The following NAV1 variants were observed in gnomAD, a reference collection of about 807,000 sequenced individuals.
NAV1 encodes the protein neuron navigator 1, also known as pore membrane and/or filament interacting like protein 3.
A neutral mutation model predicts 175.2 loss-of-function variants in NAV1; 18 were observed. The ratio of observed to expected loss-of-function variants is 0.10; its 90% CI spans 0.07 to 0.15. The LOEUF (loss-of-function observed/expected upper bound fraction) is 0.15, where lower values mean the gene tolerates loss of function less well. Among genes scored for constraint, NAV1 ranks in the 10% least tolerant of loss-of-function variants. The probability of loss-of-function intolerance (pLI) is 1.00; values close to 1 mark genes in which losing one functional copy is unlikely to be tolerated. For missense variants in NAV1, 1,731 were observed against 2,436.6 expected, an observed-to-expected ratio of 0.71 and a Z score of 6.10; for synonymous variants, 897 against 978.7, an observed-to-expected ratio of 0.92 and a Z score of 1.56.
intron 3 of NAV1, among the ~76,000 whole-genome samples, chr1:201,743,188 C>A (rs1002781996): frequency 2.0e-5 from 3 of 152,160 alleles, no homozygotes; most frequent in African/African-American, 4.8e-5. Context: ...ACTCTAAAGC[C>A]AACCCCTAAC....
intron 1 of NAV1, among the ~76,000 whole-genome samples, chr1:201,573,225 T>A (rs1292920326): frequency 1.3e-5 from 2 of 152,214 alleles, no homozygotes; most frequent in Admixed American, 6.5e-5. Flanking sequence ...GGACATCAAG[T>A]CGAGGCAGGC....
At chr1:201,695,788 G>T (rs1671164729) in intron 1 of NAV1, among the ~76,000 whole-genome samples, 1 of 152,120 alleles carries the variant, frequency 6.6e-6, no homozygotes, top group African/African-American at 2.4e-5. Flanking sequence ...ACTTTGATAG[G>T]GGTCCAAAGG....
chr1:201,697,712 C>A (rs1043003970), intron 1 of NAV1, among the ~76,000 whole-genome samples: 4 of 152,208 alleles, frequency 2.6e-5, no homozygotes, highest in African/African-American at 9.6e-5. Context: ...CTGGCCAGAC[C>A]TTATGCCAGC....
At chr1:201,643,254 C>T (rs1668864409), upstream of NAV1, among the ~76,000 whole-genome samples, 1 of 138,330 alleles carries the variant, frequency 7.2e-6, no homozygotes, top group Non-Finnish European at 1.5e-5. Flanking sequence ...TTCCTTCCTC[C>T]CTCCTTCCTT....
At chr1:201,767,453 AAAAAAT>A (rs543256166) in intron 3 of NAV1, among the ~76,000 whole-genome samples, 12 of 148,124 alleles carry the variant, frequency 8.1e-5, no homozygotes, top group African/African-American at 2.0e-4. Flanking sequence ...TCCGCCTCAA[AAAAAAT>A]AAAAATAAAA....
chr1:201,752,988 A>C (rs1674221538), intron 3 of NAV1, among the ~76,000 whole-genome samples: 1 of 152,072 alleles, frequency 6.6e-6, no homozygotes, highest in Non-Finnish European at 1.5e-5. Context: ...TTAGGAAAGA[A>C]TGTAGGGGTA....
intron 1 of NAV1, among the ~76,000 whole-genome samples, chr1:201,625,906 C>T (rs939577858): frequency 3.9e-5 from 6 of 152,238 alleles, no homozygotes; most frequent in Admixed American, 3.9e-4. Context: ...ATTCAGCAAA[C>T]ATTTATTGCA....
At chr1:201,710,097 C>G (rs1022442185) in intron 1 of NAV1, among the ~76,000 whole-genome samples, 1 of 150,756 alleles carries the variant, frequency 6.6e-6, no homozygotes, top group Admixed American at 6.6e-5. Context: ...TCTGGAGCAT[C>G]TGGGGCATTA....
intron 8 of NAV1, among the ~76,000 whole-genome samples, chr1:201,785,572 A>G (rs1479614515): frequency 6.6e-6 from 1 of 152,050 alleles, no homozygotes. Flanking sequence ...GTGACAGGGG[A>G]GAAACAAGTT....
intron 3 of NAV1, among the ~76,000 whole-genome samples, chr1:201,720,880 T>G (rs1672353035): frequency 6.6e-6 from 1 of 151,322 alleles, no homozygotes; most frequent in Non-Finnish European, 1.5e-5. Flanking sequence ...CTGACCAGAG[T>G]CCCACTTACT....
intron 1 of NAV1, among the ~76,000 whole-genome samples, chr1:201,568,616 C>A (rs1009922913): frequency 6.6e-6 from 1 of 152,160 alleles, no homozygotes; most frequent in Admixed American, 6.5e-5. Flanking sequence ...TGTTTTACCT[C>A]CTTGGGCCTC....
chr1:201,763,477 G>GT (rs776716313), intron 3 of NAV1, among the ~76,000 whole-genome samples: 1 of 152,174 alleles, frequency 6.6e-6, no homozygotes, highest in South Asian at 2.1e-4. Context: ...AAGGTGCCTT[G>GT]TTTTTTCATT....
At chr1:201,763,089 C>T (rs780438345) in intron 3 of NAV1, among the ~76,000 whole-genome samples, 17 of 152,196 alleles carry the variant, frequency 1.1e-4, no homozygotes, top group Admixed American at 2.0e-4. Flanking sequence ...AGGTCACTCA[C>T]ATCAATTGAC....
exon 9 of NAV1, chr1:201,786,476 A>T (rs1676755612): frequency 6.2e-7 from 1 of 1,613,986 alleles, no homozygotes; most frequent in Non-Finnish European, 8.5e-7. Flanking sequence ...CGACATTCCC[A>T]TACCATTGGT....
At chr1:201,801,458 CATT>C (rs1677861918) in intron 15 of NAV1, among the ~76,000 whole-genome samples, 1 of 152,162 alleles carries the variant, frequency 6.6e-6, no homozygotes, top group African/African-American at 2.4e-5. Context: ...TCATCTTTCT[CATT>C]GTTAACATAG....
intron 3 of NAV1, among the ~76,000 whole-genome samples, chr1:201,762,351 G>T (rs916033054): frequency 6.6e-6 from 1 of 152,188 alleles, no homozygotes; most frequent in Non-Finnish European, 1.5e-5. Flanking sequence ...ATTTTTAGGG[G>T]TTCTTTTTTT....
intron 3 of NAV1, among the ~76,000 whole-genome samples, chr1:201,726,651 A>G (rs1289000110): frequency 1.3e-5 from 2 of 150,860 alleles, no homozygotes; most frequent in Non-Finnish European, 3.0e-5. Context: ...TCCATCTCAA[A>G]AAAAAAAAAA....
intron 1 of NAV1, among the ~76,000 whole-genome samples, chr1:201,560,773 T>C (rs1055750781): frequency 2.0e-5 from 3 of 152,218 alleles, no homozygotes; most frequent in Non-Finnish European, 2.9e-5. Flanking sequence ...GCCCCTTCCC[T>C]GGGACTGAGG....
At chr1:201,601,054 G>A (rs540875991) in intron 2 of NAV1, among the ~76,000 whole-genome samples, 3 of 152,330 alleles carry the variant, frequency 2.0e-5, no homozygotes, top group South Asian at 2.1e-4. Context: ...GCAGTCACCC[G>A]TCTCATCTAG....
Sources: gnomAD v4.1 joint callset for allele counts (sites outside exome capture counted in the v4.1 genomes callset) on GRCh38, gnomAD v4.1.1 for gene constraint, MANE v1.5 for transcripts, NCBI Gene and HGNC (gene_info 2026-07-23, HGNC 2026-07-21) for gene names.